NOL4L: variants seen among roughly 807,000 people sequenced by gnomAD.
NOL4L encodes nucleolar protein 4 like, also known as nucleolar protein 4-like.
A neutral mutation model predicts 64.5 loss-of-function variants in NOL4L; 7 were observed. The ratio of observed to expected loss-of-function variants is 0.11; its 90% CI spans 0.06 to 0.20. The LOEUF is 0.20. NOL4L is among the 10% of genes least tolerant of loss of function. The probability of loss-of-function intolerance (pLI) is 1.00; values close to 1 mark genes in which losing one functional copy is unlikely to be tolerated. For synonymous variants in NOL4L, 413 were observed against 401.0 expected, an observed-to-expected ratio of 1.03 and a Z score of -0.36; for missense variants, 680 against 967.1, an observed-to-expected ratio of 0.70 and a Z score of 3.94.
rs1187440544 is a variant in NOL4L, at chr20:32,447,084, T to C, written c.*512A>G. 2.6e-6 allele frequency: 1 copy of C among 390,380 alleles called. No homozygotes were observed. The highest frequency in any genetic ancestry group is 5.1e-6 in the Non-Finnish European group (1 of 197,684). 24.2% of individuals were successfully genotyped at this position (390,380 alleles called of 1,614,324 possible). A position where few individuals can be genotyped will look rare whatever the true frequency, so the allele number is the denominator to read the frequency against. On this transcript the variant is annotated 3_prime_UTR_variant, in exon 11 of 11. Coordinates refer to ENST00000621426, the MANE Select transcript of NOL4L (RefSeq NM_001256798.2). ...CAGTGTAGTGATATGGAATGTTAGGTATGGGGATACATCCTTCTGATCAGA... is the reference window on the plus strand; with the variant it reads ...CAGTGTAGTGATATGGAATGTTAGGCATGGGGATACATCCTTCTGATCAGA...
chr20:32,454,273 G>A (rs1245131451), intron 6 of NOL4L, among the ~76,000 whole-genome samples: 2 of 152,246 alleles, frequency 1.3e-5, no homozygotes, highest in African/African-American at 4.8e-5. Context: ...AGGAACAGAT[G>A]CGCTGGGCGA....
chr20:32,571,395 C>T (rs1167201528), intron 1 of NOL4L, among the ~76,000 whole-genome samples: 1 of 152,066 alleles, frequency 6.6e-6, no homozygotes, highest in Non-Finnish European at 1.5e-5. Context: ...TTTTGTTTCA[C>T]CAGGTTTCAC....
In NOL4L at chr20:32,447,233, T is replaced by A; in HGVS notation, c.*363A>T. The A allele has an allele frequency of 3.2e-5, 16 of 502,042 alleles. No homozygotes were observed. The highest frequency in any genetic ancestry group is 2.5e-4 in the South Asian group (16 of 65,002). 31.1% of individuals were successfully genotyped at this position (502,042 alleles called of 1,614,324 possible). ...CAATAAATATGCAATTCTGCTCACC[T>A]AAGACTTGAAAGGTAATTATCTGGG... is the stretch of plus-strand genomic sequence containing the variant. On this transcript the variant is annotated 3_prime_UTR_variant, in exon 11 of 11. Coordinates refer to ENST00000621426, the MANE Select transcript of NOL4L (RefSeq NM_001256798.2).
intron 4 of NOL4L, among the ~76,000 whole-genome samples, chr20:32,500,538 CTT>C (rs35172494): frequency 0.011 from 1,383 of 129,558 alleles, 21 homozygotes; most frequent in South Asian, 0.023. Flanking sequence ...GTATTTCTTT[CTT>C]TTTTTTTTTT....
intron 4 of NOL4L, among the ~76,000 whole-genome samples, chr20:32,475,754 C>T (rs1374172019): frequency 6.6e-6 from 1 of 152,124 alleles, no homozygotes; most frequent in Non-Finnish European, 1.5e-5. Flanking sequence ...TGACAGAGCA[C>T]CCCCCAAGCC....
intron 1 of NOL4L, among the ~76,000 whole-genome samples, chr20:32,546,736 G>C (rs959814582): frequency 6.6e-6 from 1 of 152,176 alleles, no homozygotes; most frequent in African/African-American, 2.4e-5. Flanking sequence ...GCCCGGCAAG[G>C]CTGTAATTCT....
At chr20:32,470,932 TAA>T (rs1453123945) in intron 5 of NOL4L, among the ~76,000 whole-genome samples, 3 of 152,228 alleles carry the variant, frequency 2.0e-5, no homozygotes, top group African/African-American at 4.8e-5. Context: ...TCCCTGATCC[TAA>T]GTTTCCTCCC....
At chr20:32,457,370 G>A (rs2013642974) in intron 5 of NOL4L, among the ~76,000 whole-genome samples, 1 of 152,148 alleles carries the variant, frequency 6.6e-6, no homozygotes, top group African/African-American at 2.4e-5. Context: ...TGACCCTGGC[G>A]GCTCCACACC....
chr20:32,481,330 G>A (rs1318827011), intron 4 of NOL4L, among the ~76,000 whole-genome samples: 1 of 152,186 alleles, frequency 6.6e-6, no homozygotes, highest in Non-Finnish European at 1.5e-5. Context: ...CTGGAGAGAG[G>A]AGCTTCAGCA....
chr20:32,504,190 T>C (rs1222098169), intron 4 of NOL4L, among the ~76,000 whole-genome samples: 1 of 152,232 alleles, frequency 6.6e-6, no homozygotes. Context: ...TTTTCTGTGT[T>C]TCTTTTATTC....
At chr20:32,496,665 C>T (rs1347383586) in intron 4 of NOL4L, among the ~76,000 whole-genome samples, 1 of 151,992 alleles carries the variant, frequency 6.6e-6, no homozygotes, top group African/African-American at 2.4e-5. Context: ...ATTCTTCTGC[C>T]TCAGCCTCCC....
At chr20:32,546,104 T>C (rs2018729890) in intron 1 of NOL4L, among the ~76,000 whole-genome samples, 1 of 151,202 alleles carries the variant, frequency 6.6e-6, no homozygotes, top group Non-Finnish European at 1.5e-5. Context: ...GGCACCACCA[T>C]GCCCGGCTAA....
rs759836185 is a variant in NOL4L at position 32,453,639 on chromosome 20, A to G, written c.1242T>C (p.His414=). 4.4e-6 allele frequency: 7 copies of G among 1,608,554 alleles called. No individual in the cohort carries two copies. Among genetic ancestry groups the G allele is most frequent in the African/African-American group, 1.3e-5 (1 of 74,746 alleles). Reference sequence around the variant, plus strand: ...AGTCGTTCATCTTGTCATTGTCCTCATGGTCATCGTGGTCATCGTCGTCAT... The same window carrying G: ...AGTCGTTCATCTTGTCATTGTCCTCGTGGTCATCGTGGTCATCGTCGTCAT... The part of the protein sequence containing the change: ...ADDDDDDHDD[H]EDNDKMNDSE... Residue 414 remains histidine (H), a synonymous_variant, in exon 7 of 11, where the codon CAT becomes CAC. Coordinates refer to ENST00000621426, the MANE Select transcript of NOL4L (RefSeq NM_001256798.2). The surrounding 1 kb of genome is among the most constrained non-coding windows in gnomAD (Gnocchi z 5.6).
At chr20:32,579,171 G>A (rs554214562) in intron 1 of NOL4L, among the ~76,000 whole-genome samples, 2 of 152,326 alleles carry the variant, frequency 1.3e-5, no homozygotes, top group African/African-American at 4.8e-5. Flanking sequence ...ACCCGCAGCT[G>A]CCAAGGCCCA....
intron 4 of NOL4L, among the ~76,000 whole-genome samples, chr20:32,496,900 G>A (rs939730531): frequency 6.6e-6 from 1 of 151,946 alleles, no homozygotes; most frequent in African/African-American, 2.4e-5. Context: ...GGAGGACAAG[G>A]GTCTGGTCGG....
intron 3 of NOL4L, among the ~76,000 whole-genome samples, chr20:32,514,930 G>A (rs780216543): frequency 1.2e-4 from 18 of 152,124 alleles, no homozygotes; most frequent in Non-Finnish European, 2.1e-4. Context: ...GCACTCTCGC[G>A]GCCCCGGTCG....
chr20:32,520,860 C>T lies in NOL4L; in HGVS notation c.540G>A (p.Thr180=), dbSNP rs745688725. ...TAAAGTGCATCCTCTTCTGACACTC[C>T]GTACAGCTCATCAGGAACCGGGTCA... ...EAVTRFLMSC[T]ECQKRMHFNS... The change falls in exon 3 of 11, where the codon ACG becomes ACA. Residue 180 remains threonine, a synonymous_variant. Coordinates refer to ENST00000621426, the MANE Select transcript of NOL4L (RefSeq NM_001256798.2). The T allele has an allele frequency of 5.5e-5, 85 of 1,550,620 alleles. No individual in the cohort carries two copies. The Admixed American group carries it at 7.3e-4, about 13-fold the overall frequency.
chr20:32,573,254 T>C (rs143583487), intron 1 of NOL4L, among the ~76,000 whole-genome samples: 1 of 152,238 alleles, frequency 6.6e-6, no homozygotes, highest in East Asian at 1.9e-4. Context: ...TGGGCTCAAG[T>C]AATCCTCACA....
intron 4 of NOL4L, among the ~76,000 whole-genome samples, chr20:32,490,144 A>AAAAAAAAAAAAC (rs543768294): frequency 4.9e-5 from 6 of 122,184 alleles, no homozygotes; most frequent in East Asian, 5.9e-4. Flanking sequence ...AAAAAAAAAA[A>AAAAAAAAAAAAC]ATATATATAC....
Sources: gnomAD v4.1 joint callset for allele counts (sites outside exome capture counted in the v4.1 genomes callset) on GRCh38, gnomAD v4.1.1 for gene constraint, Gnocchi (gnomAD v3.1) non-coding constraint, MANE v1.5 for transcripts, NCBI Gene and HGNC (gene_info 2026-07-23, HGNC 2026-07-21) for gene names.